The following KCNG2 variants were observed in gnomAD, a reference collection of about 807,000 sequenced individuals.
The protein encoded by KCNG2 is potassium voltage-gated channel modifier subfamily G member 2, also known as voltage-gated potassium channel regulatory subunit KCNG2.
KCNG2 carries 7 observed loss-of-function variants against 12.3 expected under a neutral mutation model. The observed-to-expected ratio is 0.57, with a 90% CI of 0.32 to 1.07. The LOEUF is 1.07. KCNG2 is among the 50% of genes least tolerant of loss of function. The probability of loss-of-function intolerance (pLI) is 0.04; values close to 1 mark genes in which losing one functional copy is unlikely to be tolerated. For missense variants in KCNG2, 703 were observed against 726.0 expected (o/e 0.97, Z 0.36); for synonymous variants, 414 against 351.4 (o/e 1.18, Z -1.99).
At position 79,822,333 on chromosome 18, in the gene KCNG2, T is replaced by C. The variant is rs1034954648; in HGVS notation, c.-115+24319T>C. 9.2e-5 allele frequency among the ~76,000 whole-genome samples: 14 copies of C among 152,182 alleles called. No homozygotes were observed. Among genetic ancestry groups the C allele is most frequent in the African/African-American group, 3.4e-4 (14 of 41,456 alleles). ...TCAGATGTCACCGCGTTCTTCATACTAGAGCCACGGTTCTGTCCAGGGCCC... is the reference window on the plus strand; with the variant it reads ...TCAGATGTCACCGCGTTCTTCATACCAGAGCCACGGTTCTGTCCAGGGCCC... On this transcript the variant is annotated intron_variant, in intron 1 of 3. Coordinates refer to ENST00000316249, the MANE Select transcript of KCNG2 (RefSeq NM_012283.2). This position sits in a 1 kb window ranked among gnomAD's most constrained non-coding sequence, Gnocchi z 4.4.
intron 1 of KCNG2, among the ~76,000 whole-genome samples, chr18:79,799,826 G>T (rs534548045): frequency 6.6e-6 from 1 of 152,332 alleles, no homozygotes; most frequent in Admixed American, 6.5e-5. Context: ...GGGTGGCCGA[G>T]CTATGATTCG....
intron 2 of KCNG2, among the ~76,000 whole-genome samples, chr18:79,856,895 G>A (rs1309099084): frequency 1.3e-5 from 2 of 151,668 alleles, no homozygotes; most frequent in Non-Finnish European, 1.5e-5. Context: ...CCCCCAGAGC[G>A]CTTGACTTGT....
intron 1 of KCNG2, among the ~76,000 whole-genome samples, chr18:79,824,645 G>A (rs2123010486): frequency 6.6e-6 from 1 of 152,282 alleles, no homozygotes; most frequent in Non-Finnish European, 1.5e-5. Context: ...CTTAACACAG[G>A]CTGCCGGTGC....
chr18:79,810,891 A>G (rs1172875317), intron 1 of KCNG2, among the ~76,000 whole-genome samples: 1 of 152,256 alleles, frequency 6.6e-6, no homozygotes, highest in Non-Finnish European at 1.5e-5. Context: ...AAAACAAACC[A>G]GAACTTAGAG....
At chr18:79,871,625 C>T (rs1193166279) in intron 3 of KCNG2, among the ~76,000 whole-genome samples, 1 of 152,144 alleles carries the variant, frequency 6.6e-6, no homozygotes, top group Non-Finnish European at 1.5e-5. Flanking sequence ...CAGGACCAGC[C>T]GGTGGCCCCC....
chr18:79,851,392 A>G (rs916969126), intron 1 of KCNG2, among the ~76,000 whole-genome samples: 1 of 152,212 alleles, frequency 6.6e-6, no homozygotes, highest in African/African-American at 2.4e-5. Context: ...TCTAGAGTCT[A>G]GGAATACCCA....
Position 79,803,732 on chromosome 18 carries a change from C to G in KCNG2, c.-115+5718C>G, listed in dbSNP as rs1399698103. Among the ~76,000 whole-genome samples the G allele has an allele frequency of 6.6e-6, 1 of 152,242 alleles. No homozygotes were observed. The highest frequency in any genetic ancestry group is 1.9e-4 in the East Asian group (1 of 5,196). The stretch of plus-strand genomic sequence containing the variant: ...CTCCTGTCCAGGAGCCCTCACAGCT[C>G]AGCCGGGGCCCTCCTGCGTCTCCCG... On this transcript the variant is annotated intron_variant, in intron 1 of 3. Coordinates refer to ENST00000316249, the MANE Select transcript of KCNG2 (RefSeq NM_012283.2). The surrounding 1 kb of genome is among the most constrained non-coding windows in gnomAD (Gnocchi z 4.5).
intron 1 of KCNG2, among the ~76,000 whole-genome samples, chr18:79,825,824 A>G (rs2087610005): frequency 6.6e-6 from 1 of 152,254 alleles, no homozygotes; most frequent in Non-Finnish European, 1.5e-5. Flanking sequence ...GGACAGAAAA[A>G]AGAAAGTAAA....
In KCNG2 at chr18:79,867,473, C is replaced by T. The variant is rs1403840912; in HGVS notation, c.624+3182C>T. Among the ~76,000 whole-genome samples the T allele has an allele frequency of 2.7e-4, 21 of 76,690 alleles. No individual in the cohort carries two copies. The East Asian group carries it at 5.5e-3, about 20-fold the overall frequency. 50.3% of individuals were successfully genotyped at this position (76,690 alleles called of 152,430 possible). A position where few individuals can be genotyped will look rare whatever the true frequency, so the allele number is the denominator to read the frequency against. On this transcript the variant is annotated intron_variant, in intron 3 of 3. Transcript: ENST00000316249. Reference sequence around the variant, plus strand: ...TGTCTTGGGGGGGGGACCGTGAGCCCGGCGTTGTGTCGTGTCTGGGGGGGG... The same window carrying T: ...TGTCTTGGGGGGGGGACCGTGAGCCTGGCGTTGTGTCGTGTCTGGGGGGGG...
In KCNG2 at chr18:79,875,000, C is replaced by T. The variant is rs141454172; in HGVS notation, c.624+10709C>T. Among the ~76,000 whole-genome samples, 1,509 of 152,266 alleles carry T rather than the reference C, an allele frequency of 9.9e-3. 34 individuals are homozygous for T. Among genetic ancestry groups the T allele is most frequent in the African/African-American group, 0.035 (1,438 of 41,542 alleles). On this transcript the variant is annotated intron_variant, in intron 3 of 3. Transcript: ENST00000316249. The stretch of plus-strand genomic sequence containing the variant: ...TGAGGCTCAGAAAGCCACACCCCAG[C>T]GGGACAGCCTCTGCAGCAAAGCAGC...
chr18:79,811,826 T>G (rs924701128), intron 1 of KCNG2, among the ~76,000 whole-genome samples: 1 of 152,146 alleles, frequency 6.6e-6, no homozygotes, highest in African/African-American at 2.4e-5. Context: ...AACAACAGTT[T>G]TTTAAACTCT....
intron 1 of KCNG2, among the ~76,000 whole-genome samples, chr18:79,802,500 C>T (rs369721355): frequency 1.1e-4 from 16 of 152,368 alleles, no homozygotes; most frequent in Admixed American, 5.9e-4. Flanking sequence ...GCTGCAGCAT[C>T]GGCCCTAGTG....
chr18:79,852,363 G>A (rs1978854341), intron 1 of KCNG2, among the ~76,000 whole-genome samples: 1 of 152,256 alleles, frequency 6.6e-6, no homozygotes, highest in South Asian at 2.1e-4. Context: ...GGAACATTTT[G>A]TATTCAACTT....
At chr18:79,878,041 C>T (rs114442719) in intron 3 of KCNG2, among the ~76,000 whole-genome samples, 234 of 152,382 alleles carry the variant, frequency 1.5e-3, no homozygotes, top group African/African-American at 5.4e-3. Context: ...TTGCGGTTCC[C>T]GATGGCACCG....
At chr18:79,802,901 G>T (rs1383456461) in intron 1 of KCNG2, among the ~76,000 whole-genome samples, 1 of 152,256 alleles carries the variant, frequency 6.6e-6, no homozygotes, top group Non-Finnish European at 1.5e-5. Context: ...ACGCTTGGCT[G>T]GGTGCGGTGG....
chr18:79,798,045 T>TG (rs1451088509), intron 1 of KCNG2, among the ~76,000 whole-genome samples, 31 bp downstream of exon 1: 376 of 57,820 alleles, frequency 6.5e-3, no homozygotes, highest in Middle Eastern at 0.022. Context: ...GGGCCGGGGG[T>TG]GGGGGGTCCG....
At chr18:79,898,265 G>T (rs555624931) in intron 3 of KCNG2, among the ~76,000 whole-genome samples, 49 of 152,324 alleles carry the variant, frequency 3.2e-4, no homozygotes, top group Middle Eastern at 6.8e-3. Flanking sequence ...GGGGACAGCT[G>T]CGAGCCTCAG....
At chr18:79,877,870 C>A (rs563555529) in intron 3 of KCNG2, among the ~76,000 whole-genome samples, 1 of 152,240 alleles carries the variant, frequency 6.6e-6, no homozygotes, top group African/African-American at 2.4e-5. Flanking sequence ...TTTTCAAAGG[C>A]GGCTGGTCAC....
At position 79,864,056 on chromosome 18, in the gene KCNG2, CGG is replaced by C. The variant is rs1568261143; in HGVS notation, c.390_391del (p.Ala131ArgfsTer124). 9.0e-7 allele frequency: 1 copy of C among 1,108,454 alleles called. No homozygotes were observed. Among genetic ancestry groups the C allele is most frequent in the Non-Finnish European group, 1.1e-6 (1 of 909,690 alleles). 68.7% of individuals were successfully genotyped at this position (1,108,454 alleles called of 1,614,324 possible). The stretch of plus-strand genomic sequence containing the variant: ...CGCCTGCGCCGCCGCGAGGAGGAGG[CGG>C]CCGAGGCCCGCGCGGGGCCGACGGA... On this transcript the variant is annotated frameshift_variant, in exon 3 of 4. Coordinates refer to ENST00000316249, the MANE Select transcript of KCNG2 (RefSeq NM_012283.2). LOFTEE classifies it high-confidence loss of function.
Sources: gnomAD v4.1 joint callset for allele counts (sites outside exome capture counted in the v4.1 genomes callset) on GRCh38, gnomAD v4.1.1 for gene constraint, Gnocchi (gnomAD v3.1) non-coding constraint, MANE v1.5 for transcripts, NCBI Gene and HGNC (gene_info 2026-07-23, HGNC 2026-07-21) for gene names.